Variants in ALDH8A1 observed in about 807,000 individuals in gnomAD.
ALDH8A1 encodes the protein 2-aminomuconic semialdehyde dehydrogenase.
Under a neutral mutation model 43.3 loss-of-function variants are expected in ALDH8A1, and 39 were observed. That is an observed-to-expected ratio of 0.90 (90% CI 0.70 to 1.18). The LOEUF (loss-of-function observed/expected upper bound fraction) is 1.18, where lower values mean the gene tolerates loss of function less well. Ranked by LOEUF, ALDH8A1 falls within the 50% of genes most tolerant of loss-of-function variation. ALDH8A1 has a pLI of 0.00. For missense variants in ALDH8A1, 605 were observed against 622.6 expected (o/e 0.97, Z 0.30); for synonymous variants, 233 against 243.5 (o/e 0.96, Z 0.40).
At chr6:134,934,634 A>G (rs958665857) in intron 4 of ALDH8A1, among the ~76,000 whole-genome samples, 2 of 152,220 alleles carry the variant, frequency 1.3e-5, no homozygotes, top group Admixed American at 1.3e-4. Flanking sequence ...CATGTCCACC[A>G]TGTATATAAA....
Position 134,918,603 on chromosome 6 carries a change from T to G in ALDH8A1, c.1276A>C (p.Ser426Arg), listed in dbSNP as rs1776746793. Residue 426 changes from serine (S) to arginine (R), a missense_variant, in exon 7 of 7, where the codon AGC becomes CGC. Coordinates refer to ENST00000265605, the MANE Select transcript of ALDH8A1 (RefSeq NM_022568.4). Reference protein sequence around the residue: ...KYGLAATVWSSNVGRVHRVAK... With the variant: ...KYGLAATVWSRNVGRVHRVAK... ...ACCCGGTGGACGCGCCCCACATTGCTGGACCACACGGTAGCCGCCAGCCCA... is the reference window on the plus strand; with the variant it reads ...ACCCGGTGGACGCGCCCCACATTGCGGGACCACACGGTAGCCGCCAGCCCA... 2 of 1,614,036 alleles carry G rather than the reference T, an allele frequency of 1.2e-6. No homozygotes were observed. Among genetic ancestry groups the G allele is most frequent in the South Asian group, 2.2e-5 (2 of 91,076 alleles).
At chr6:134,930,933 C>T (rs1287675937) in intron 5 of ALDH8A1, among the ~76,000 whole-genome samples, 1 of 152,140 alleles carries the variant, frequency 6.6e-6, no homozygotes, top group Admixed American at 6.5e-5. Flanking sequence ...TTAGCTTTTC[C>T]AGTTTACAGG....
Position 134,934,106 on chromosome 6 carries a change from G to A in ALDH8A1, c.593-1074C>T, listed in dbSNP as rs541174109. Among the ~76,000 whole-genome samples the A allele has an allele frequency of 3.9e-4, 59 of 152,218 alleles. 1 individual carries two copies. The highest frequency in any genetic ancestry group is 1.0e-3 in the South Asian group (5 of 4,826). On this transcript the variant is annotated intron_variant, in intron 4 of 6. Transcript: ENST00000265605. ...AAACAGTGTCTGTTCTTTGCTCTCCGTTGTTTACTCTGTGCCACAGCCTAG... is the reference window on the plus strand; with the variant it reads ...AAACAGTGTCTGTTCTTTGCTCTCCATTGTTTACTCTGTGCCACAGCCTAG...
intron 5 of ALDH8A1, 42 bp downstream of exon 5, chr6:134,932,734 C>T: frequency 6.3e-7 from 1 of 1,599,180 alleles, no homozygotes; most frequent in Non-Finnish European, 8.5e-7. Context: ...TCCAGCTTGA[C>T]AGGGCCATGG....
intron 6 of ALDH8A1, among the ~76,000 whole-genome samples, chr6:134,922,618 C>T (rs1314811033): frequency 6.6e-6 from 1 of 151,940 alleles, no homozygotes; most frequent in Non-Finnish European, 1.5e-5. Context: ...AAACTCCTGA[C>T]CTAAAGTGAT....
rs548366781 is a variant in ALDH8A1 at position 134,942,944 on chromosome 6, A to T, written c.287-380T>A. On this transcript the variant is annotated intron_variant, in intron 2 of 6. Coordinates refer to ENST00000265605, the MANE Select transcript of ALDH8A1 (RefSeq NM_022568.4). ...GGTGTTAGGACAGTTGTAATTGCAC[A>T]GCACAAAACGAAACACTTTTATACA... Among the ~76,000 whole-genome samples the T allele has an allele frequency of 2.6e-5, 4 of 152,356 alleles. No individual in the cohort carries two copies. In the South Asian group the frequency reaches 8.3e-4, roughly 32 times the overall value.
intron 6 of ALDH8A1, 107 bp downstream of exon 6, chr6:134,928,946 TG>T: frequency 7.9e-7 from 1 of 1,258,250 alleles, no homozygotes; most frequent in Non-Finnish European, 1.1e-6. Flanking sequence ...TTTTCAAAAA[TG>T]GGGTAGTAAC....
At chr6:134,931,909 G>A (rs960899692) in intron 5 of ALDH8A1, among the ~76,000 whole-genome samples, 2 of 152,280 alleles carry the variant, frequency 1.3e-5, no homozygotes, top group South Asian at 4.1e-4. Flanking sequence ...AAGCAATGCA[G>A]TTTCAAAAGT....
intron 5 of ALDH8A1, among the ~76,000 whole-genome samples, chr6:134,931,986 T>C (rs145531463): frequency 8.8e-4 from 134 of 152,362 alleles, no homozygotes; most frequent in Middle Eastern, 3.4e-3. Context: ...TGCTGTTTCC[T>C]TCTATGAAGT....
At chr6:134,928,970 A>C in intron 6 of ALDH8A1, 84 bp downstream of exon 6, 1 of 1,441,758 alleles carries the variant, frequency 6.9e-7, no homozygotes, top group Non-Finnish European at 9.4e-7. Context: ...ACAATATTTC[A>C]GAGTCTGATT....
intron 3 of ALDH8A1, among the ~76,000 whole-genome samples, chr6:134,940,986 G>T (rs1773842751): frequency 1.3e-5 from 2 of 152,176 alleles, no homozygotes; most frequent in Admixed American, 1.3e-4. Context: ...TTCATAAAAT[G>T]TAATAAGCTA....
At chr6:134,934,105 C>T (rs567889894) in intron 4 of ALDH8A1, among the ~76,000 whole-genome samples, 12 of 152,274 alleles carry the variant, frequency 7.9e-5, no homozygotes, top group East Asian at 3.9e-4. Flanking sequence ...CTTTGCTCTC[C>T]GTTGTTTACT....
rs1776963630 is a variant in ALDH8A1, at chr6:134,930,389, TG to T, written c.850-1175del. Among the ~76,000 whole-genome samples, 3 of 152,336 alleles carry T rather than the reference TG, an allele frequency of 2.0e-5. No homozygotes were observed. In the South Asian group the frequency reaches 6.2e-4, roughly 32 times the overall value. Reference sequence around the variant, plus strand: ...CTCAGTGAAAAATAACCCTATCATTTGAACATAGCATGTAACAGTTTAGACT... The same window carrying T: ...CTCAGTGAAAAATAACCCTATCATTTAACATAGCATGTAACAGTTTAGACT... On this transcript the variant is annotated intron_variant, in intron 5 of 6. Coordinates refer to ENST00000265605, the MANE Select transcript of ALDH8A1 (RefSeq NM_022568.4).
rs1235350410 is a variant in ALDH8A1 at position 134,929,091 on chromosome 6, C to T, written c.974G>A (p.Ser325Asn). ...KVGIPSDPLV[S>N]IGALISKAHL... ...TGCTTTACTTATCAGAGCACCTATG[C>T]TCACCAGTGGATCAGAGGGAATGCC... Residue 325 changes from serine to asparagine, a missense_variant, in exon 6 of 7, where the codon AGC (serine) becomes AAC (asparagine). Coordinates refer to ENST00000265605, the MANE Select transcript of ALDH8A1 (RefSeq NM_022568.4). The T allele has an allele frequency of 4.3e-6, 7 of 1,614,186 alleles. No individual in the cohort carries two copies. The highest frequency in any genetic ancestry group is 5.1e-6 in the Non-Finnish European group (6 of 1,180,022).
chr6:134,946,781 CGCGCGCGCACAG>C (rs1562261589), intron 1 of ALDH8A1, among the ~76,000 whole-genome samples: 3 of 148,488 alleles, frequency 2.0e-5, no homozygotes, highest in South Asian at 2.1e-4. Flanking sequence ...CGCATGTGTG[CGCGCGCGCACAG>C]GTGCGCATGT....
intron 1 of ALDH8A1, among the ~76,000 whole-genome samples, chr6:134,948,605 A>T (rs1445680823): frequency 6.6e-6 from 1 of 152,216 alleles, no homozygotes; most frequent in Non-Finnish European, 1.5e-5. Flanking sequence ...TAGCAGCACC[A>T]GCAACATTTT....
At chr6:134,932,068 T>G (rs889265284) in intron 5 of ALDH8A1, among the ~76,000 whole-genome samples, 9 of 152,238 alleles carry the variant, frequency 5.9e-5, no homozygotes, top group Non-Finnish European at 1.2e-4. Flanking sequence ...CATCCAGGGT[T>G]TATGTACACC....
intron 5 of ALDH8A1, among the ~76,000 whole-genome samples, chr6:134,931,033 G>T (rs1056620439): frequency 6.6e-6 from 1 of 152,186 alleles, no homozygotes; most frequent in Admixed American, 6.5e-5. Flanking sequence ...GAAGAAATAT[G>T]CACGACACGG....
At position 134,943,889 on chromosome 6, in the gene ALDH8A1, G is replaced by T. The variant is rs574332029; in HGVS notation, c.216C>A (p.Val72=). 4.5e-4 allele frequency: 732 copies of T among 1,614,226 alleles called. 9 individuals carry two copies. In the South Asian group the frequency reaches 6.6e-3, roughly 15 times the overall value. ...SSRSPQERSR[V]LNQVADLLEQ... ...CCAGCAAATCCGCCACCTGGTTCAG[G>T]ACCCGTGAGCGCTCCTGGGGGCTGC... Residue 72 remains valine, a synonymous_variant, in exon 2 of 7, where the codon GTC becomes GTA. Coordinates refer to ENST00000265605, the MANE Select transcript of ALDH8A1 (RefSeq NM_022568.4).
Sources: gnomAD v4.1 joint callset for allele counts (sites outside exome capture counted in the v4.1 genomes callset) on GRCh38, gnomAD v4.1.1 for gene constraint, MANE v1.5 for transcripts, NCBI Gene and HGNC (gene_info 2026-07-23, HGNC 2026-07-21) for gene names.